The following LARP1B variants were observed in gnomAD, a reference collection of about 807,000 sequenced individuals.
The protein encoded by LARP1B is La ribonucleoprotein 1B.
In LARP1B, 76 loss-of-function variants were observed where a neutral mutation model predicts 114.2. That is an observed-to-expected ratio of 0.67 (90% CI 0.55 to 0.81). The LOEUF is 0.81. LARP1B is among the 30% of genes least tolerant of loss of function. The probability of loss-of-function intolerance (pLI) is 0.00; values close to 1 mark genes in which losing one functional copy is unlikely to be tolerated. For synonymous variants in LARP1B, 345 were observed against 348.0 expected (o/e 0.99, Z 0.10); for missense variants, 1,014 against 1,075.8 (o/e 0.94, Z 0.80).
chr4:128,128,851 G>A (rs986585935), intron 11 of LARP1B, among the ~76,000 whole-genome samples: 3 of 152,032 alleles, frequency 2.0e-5, no homozygotes, highest in African/African-American at 7.2e-5. Flanking sequence ...TCTATCTGAG[G>A]ATTACTACAA....
At chr4:128,222,237 A>T (rs981231317) in intron 7 of LARP1B, 1 of 441,082 alleles carries the variant, frequency 2.3e-6, no homozygotes, top group Non-Finnish European at 4.6e-6. Flanking sequence ...ACCTTGACCA[A>T]GTGACAAGAG....
At chr4:128,066,477 C>T (rs1270423303) in intron 1 of LARP1B, among the ~76,000 whole-genome samples, 7 of 120,440 alleles carry the variant, frequency 5.8e-5, no homozygotes, top group African/African-American at 2.1e-4. Context: ...TGCGCCCGGC[C>T]TTTTTTTTTT....
intron 6 of LARP1B, chr4:128,220,327 C>G (rs2150987225): frequency 1.1e-6 from 1 of 890,270 alleles, no homozygotes; most frequent in Middle Eastern, 5.7e-4. Flanking sequence ...TTTTATGTAA[C>G]TATTATTTTT....
chr4:128,098,768 T>TACATATATATATA (rs58280279), intron 8 of LARP1B, among the ~76,000 whole-genome samples: 1 of 18,900 alleles, frequency 5.3e-5, no homozygotes, highest in South Asian at 1.8e-3. Flanking sequence ...TATATATATA[T>TACATATATATATA]TTTTTTTTTT....
chr4:128,087,201 G>T (rs1773947757), intron 5 of LARP1B, among the ~76,000 whole-genome samples: 1 of 152,078 alleles, frequency 6.6e-6, no homozygotes, highest in Non-Finnish European at 1.5e-5. Flanking sequence ...GATTACAGGT[G>T]CGATCCACCG....
intron 11 of LARP1B, among the ~76,000 whole-genome samples, chr4:128,126,312 G>A (rs997082546): frequency 6.6e-6 from 1 of 151,598 alleles, no homozygotes; most frequent in African/African-American, 2.4e-5. Flanking sequence ...TTGTAGAGAT[G>A]GGGTTTCACC....
Position 128,114,902 on chromosome 4 carries a change from A to G in LARP1B, c.1161+160A>G, listed in dbSNP as rs549696781. On this transcript the variant is annotated intron_variant, in intron 10 of 19. Transcript: ENST00000326639. Reference sequence around the variant, plus strand: ...TCAGTAGACACTTATGGGTTATTCTATGAGGAAAATAAGTTGTATCAATTT... The same window carrying G: ...TCAGTAGACACTTATGGGTTATTCTGTGAGGAAAATAAGTTGTATCAATTT... Among the ~76,000 whole-genome samples the G allele has an allele frequency of 3.3e-5, 5 of 152,252 alleles. No homozygotes were observed. The East Asian group carries it at 7.7e-4, about 24-fold the overall frequency.
chr4:128,130,855 A>C (rs188274451), intron 11 of LARP1B, among the ~76,000 whole-genome samples: 41 of 152,330 alleles, frequency 2.7e-4, no homozygotes, highest in Non-Finnish European at 2.1e-4. Context: ...TCAAAAATGC[A>C]TGAGCTATCA....
At chr4:128,168,805 AT>A (rs1742267433) in intron 12 of LARP1B, among the ~76,000 whole-genome samples, 1 of 148,972 alleles carries the variant, frequency 6.7e-6, no homozygotes, top group African/African-American at 2.5e-5. Context: ...TATTTGTCTG[AT>A]TTTGGTGTCA....
Position 128,211,215 on chromosome 4 carries a change from AT to A in LARP1B, c.*1169del. The A allele has an allele frequency of 1.1e-5, 10 of 937,928 alleles. No homozygotes were observed. The highest frequency in any genetic ancestry group is 1.8e-5 in the African/African-American group (1 of 56,426). The allele number at this position is 937,928 out of a possible 1,614,324, so 58.1% of individuals were successfully genotyped here. A position where few individuals can be genotyped will look rare whatever the true frequency, so the allele number is the denominator to read the frequency against. On this transcript the variant is annotated 3_prime_UTR_variant, in exon 20 of 20. Coordinates refer to ENST00000326639, the MANE Select transcript of LARP1B (RefSeq NM_018078.4). ...TATTCAGTTTTGCTAGTAAAAGACCATTTTTTTGTGTGAATGAAGTTTCAAT... is the reference window on the plus strand; with the variant it reads ...TATTCAGTTTTGCTAGTAAAAGACCATTTTTTGTGTGAATGAAGTTTCAAT...
At chr4:128,085,666 C>T (rs1169713191) in intron 5 of LARP1B, among the ~76,000 whole-genome samples, 1 of 152,214 alleles carries the variant, frequency 6.6e-6, no homozygotes, top group Non-Finnish European at 1.5e-5. Context: ...CCGCACTTAG[C>T]TTCTCCCTCT....
In LARP1B at chr4:128,205,170, G is replaced by A. The variant is rs139606273; in HGVS notation, c.2310-1258G>A. Among the ~76,000 whole-genome samples, 1,307 of 152,326 alleles carry A rather than the reference G, an allele frequency of 8.6e-3. 12 individuals are homozygous for A. The highest frequency in any genetic ancestry group is 0.014 in the Non-Finnish European group (941 of 68,034). On this transcript the variant is annotated intron_variant, in intron 17 of 19. Coordinates refer to ENST00000326639, the MANE Select transcript of LARP1B (RefSeq NM_018078.4). The stretch of plus-strand genomic sequence containing the variant: ...AGTCCTGCATTTCTCTTGTTGGCTT[G>A]CCAGACCATCACTCTTCGTCTTGTA...
chr4:128,135,020 T>A (rs1398412479), intron 11 of LARP1B, among the ~76,000 whole-genome samples: 1 of 152,064 alleles, frequency 6.6e-6, no homozygotes, highest in Middle Eastern at 3.2e-3. Flanking sequence ...GGGAATCGCT[T>A]GAACCCCGGA....
chr4:128,219,993 C>T (rs1206367737), intron 6 of LARP1B, among the ~76,000 whole-genome samples: 1 of 152,176 alleles, frequency 6.6e-6, no homozygotes. Context: ...TCAAGCGATT[C>T]TCCTGCCTCA....
intron 5 of LARP1B, among the ~76,000 whole-genome samples, chr4:128,085,587 T>G (rs1490145579): frequency 1.3e-5 from 2 of 152,110 alleles, no homozygotes; most frequent in African/African-American, 4.8e-5. Context: ...GGGCTGGTCT[T>G]GAACTCCTAG....
intron 11 of LARP1B, among the ~76,000 whole-genome samples, chr4:128,131,905 T>TACTG (rs1375278242): frequency 2.0e-5 from 3 of 152,268 alleles, no homozygotes; most frequent in Admixed American, 2.0e-4. Context: ...AAGACAGATA[T>TACTG]ACTGACAAGT....
At chr4:128,116,780 G>T (rs1785988138) in intron 10 of LARP1B, among the ~76,000 whole-genome samples, 1 of 151,768 alleles carries the variant, frequency 6.6e-6, no homozygotes, top group South Asian at 2.1e-4. Flanking sequence ...TTCTAGAGTG[G>T]GTATACAGAT....
At chr4:128,113,988 G>C (rs1054342792) in intron 9 of LARP1B, among the ~76,000 whole-genome samples, 3 of 152,048 alleles carry the variant, frequency 2.0e-5, no homozygotes, top group Admixed American at 1.3e-4. Flanking sequence ...GTTTCTCCGT[G>C]TTGGTCAGGC....
intron 1 of LARP1B, 168 bp downstream of exon 1, chr4:128,061,569 C>G (rs1208430731): frequency 3.2e-6 from 2 of 615,732 alleles, no homozygotes; most frequent in African/African-American, 4.0e-5. Flanking sequence ...GCGGCGGCCA[C>G]GGCCGCCGGG....
Sources: gnomAD v4.1 joint callset for allele counts (sites outside exome capture counted in the v4.1 genomes callset) on GRCh38, gnomAD v4.1.1 for gene constraint, MANE v1.5 for transcripts, NCBI Gene and HGNC (gene_info 2026-07-23, HGNC 2026-07-21) for gene names.